Variants in LSR observed in about 807,000 individuals in gnomAD.
LSR encodes lipolysis-stimulated lipoprotein receptor.
In LSR, 44 loss-of-function variants were observed where a neutral mutation model predicts 61.8. The observed-to-expected ratio is 0.71, with a 90% CI of 0.56 to 0.91. The LOEUF (loss-of-function observed/expected upper bound fraction) is 0.91. LSR is among the 40% of genes least tolerant of loss of function. LSR has a pLI of 0.00. For missense variants in LSR, 911 were observed against 830.5 expected (o/e 1.10, Z -1.19); for synonymous variants, 397 against 350.6 (o/e 1.13, Z -1.48).
At chr19:35,251,689 C>T (rs1261915113) in intron 2 of LSR, 1 of 152,182 alleles carries the variant, frequency 6.6e-6, no homozygotes, top group African/African-American at 2.4e-5. Context: ...AAGCCTGTGA[C>T]ATGCCAGGAA....
chr19:35,265,633 T>TAGGG (rs1555752102), intron 5 of LSR, among the ~76,000 whole-genome samples: 3 of 151,892 alleles, frequency 2.0e-5, no homozygotes, highest in Non-Finnish European at 4.4e-5. Flanking sequence ...CCTCTTGCCC[T>TAGGG]AGGGAGGAAG....
chr19:35,265,314 A>G (rs1035244963), intron 5 of LSR, among the ~76,000 whole-genome samples: 1 of 152,066 alleles, frequency 6.6e-6, no homozygotes, highest in African/African-American at 2.4e-5. Flanking sequence ...CCCACACCAC[A>G]TTTCCTCCAT....
intron 3 of LSR, among the ~76,000 whole-genome samples, chr19:35,261,224 C>G (rs1417927823): frequency 6.6e-6 from 1 of 152,152 alleles, no homozygotes; most frequent in Non-Finnish European, 1.5e-5. Context: ...AGATGGAGAC[C>G]TTGTGGGTCC....
At chr19:35,261,710 AAC>A (rs1166103462) in intron 3 of LSR, among the ~76,000 whole-genome samples, 1 of 152,210 alleles carries the variant, frequency 6.6e-6, no homozygotes, top group Admixed American at 6.5e-5. Flanking sequence ...CTCGTGGCAT[AAC>A]ACAGGTGGAT....
chr19:35,254,753 G>A (rs899840797), intron 2 of LSR, among the ~76,000 whole-genome samples: 8 of 152,312 alleles, frequency 5.3e-5, no homozygotes, highest in South Asian at 4.1e-4. Context: ...TGCTCAGCCC[G>A]GATGAGATCA....
At position 35,267,413 on chromosome 19, in the gene LSR, G is replaced by A; in HGVS notation, c.1449G>A (p.Arg483=). The A allele has an allele frequency of 6.2e-7, 1 of 1,609,898 alleles. No individual in the cohort carries two copies. Among genetic ancestry groups the A allele is most frequent in the Non-Finnish European group, 8.5e-7 (1 of 1,179,016 alleles). ...ACATGCCCCCGCGGAGCCGCAGCCG[G>A]GACGACCTCTATGACCAAGACGACT... ...RAYMPPRSRS[R]DDLYDQDDSR... The change falls in exon 9 of 10, where the codon CGG becomes CGA. Residue 483 remains arginine (R), a synonymous_variant. Coordinates refer to ENST00000605618, the MANE Select transcript of LSR (RefSeq NM_205834.4).
Position 35,250,348 on chromosome 19 carries a change from A to G in LSR, c.143A>G (p.Asn48Ser), listed in dbSNP as rs1349945607. The change falls in exon 2 of 10, where the codon AAC becomes AGC. Residue 48 changes from asparagine to serine, a missense_variant. Coordinates refer to ENST00000605618, the MANE Select transcript of LSR (RefSeq NM_205834.4). Reference sequence around the variant, plus strand: ...AGGGCCATCCAGGTGACCGTGTCCAACCCCTACCACGTGGTGATCCTCTTC... The same window carrying G: ...AGGGCCATCCAGGTGACCGTGTCCAGCCCCTACCACGTGGTGATCCTCTTC... ...PARAIQVTVSNPYHVVILFQP... is the reference protein window; with the variant it reads ...PARAIQVTVSSPYHVVILFQP... 12 of 1,574,066 alleles carry G rather than the reference A, an allele frequency of 7.6e-6. No individual in the cohort carries two copies. Among genetic ancestry groups the G allele is most frequent in the Non-Finnish European group, 1.0e-5 (12 of 1,154,048 alleles).
intron 1 of LSR, among the ~76,000 whole-genome samples, chr19:35,250,076 G>A (rs577379576): frequency 5.3e-5 from 8 of 152,226 alleles, no homozygotes; most frequent in Non-Finnish European, 8.8e-5. Flanking sequence ...GAGGGATGGC[G>A]GGCGAGTCCA....
At chr19:35,262,431 A>G (rs2065942158) in intron 4 of LSR, 115 bp from the exon 5 acceptor site, 2 of 1,201,670 alleles carry the variant, frequency 1.7e-6, no homozygotes, top group East Asian at 4.7e-5. Flanking sequence ...TTCCTTGGTG[A>G]GCTTTGCAAA....
Position 35,250,461 on chromosome 19 carries a change from G to A in LSR, c.256G>A (p.Asp86Asn). ...CTGGAAGTACAAGTCTTTCTGCCGG[G>A]ACCGCATCGCCGATGCCTTCTCCCC... ...VIWKYKSFCR[D>N]RIADAFSPAS... Residue 86 changes from aspartate to asparagine, a missense_variant, in exon 2 of 10, where the codon GAC becomes AAC. Coordinates refer to ENST00000605618, the MANE Select transcript of LSR (RefSeq NM_205834.4). 1 of 1,614,022 alleles carries A rather than the reference G, an allele frequency of 6.2e-7. No individual in the cohort carries two copies. Among genetic ancestry groups the A allele is most frequent in the Non-Finnish European group, 8.5e-7 (1 of 1,179,986 alleles).
At chr19:35,249,933 G>A (rs950972974) in intron 1 of LSR, among the ~76,000 whole-genome samples, 3 of 152,050 alleles carry the variant, frequency 2.0e-5, no homozygotes, top group Non-Finnish European at 4.4e-5. Flanking sequence ...GTTTTGAAGT[G>A]GGGCCTTGGG....
At chr19:35,251,624 A>T (rs116480368) in intron 2 of LSR, 1,759 of 152,194 alleles carry the variant, frequency 0.012, 37 homozygotes, top group African/African-American at 0.04. Flanking sequence ...TCCGCAGAGG[A>T]CTCACAGAGG....
intron 3 of LSR, among the ~76,000 whole-genome samples, chr19:35,260,880 G>T (rs544397790): frequency 2.0e-5 from 3 of 152,112 alleles, no homozygotes; most frequent in African/African-American, 4.8e-5. Context: ...AGGCATCAGG[G>T]CGATGATGGC....
chr19:35,262,487 T>G (rs1034501411), intron 4 of LSR, 59 bp from the exon 5 acceptor site: 30 of 1,595,496 alleles, frequency 1.9e-5, no homozygotes, highest in Non-Finnish European at 2.6e-5. Context: ...ACCCCTGCTG[T>G]GCCGTTAGCC....
chr19:35,256,109 C>CTAT (rs1393695683), intron 2 of LSR, among the ~76,000 whole-genome samples: 1 of 152,052 alleles, frequency 6.6e-6, no homozygotes, highest in African/African-American at 2.4e-5. Flanking sequence ...TGGCAGGCGC[C>CTAT]TATAATCCCA....
chr19:35,252,648 C>CAAAAA (rs57052855), intron 2 of LSR, among the ~76,000 whole-genome samples: 2 of 74,770 alleles, frequency 2.7e-5, no homozygotes, highest in African/African-American at 5.2e-5. Flanking sequence ...GACTCTGTCT[C>CAAAAA]AAAAAAAAAA....
In LSR at chr19:35,266,699, G is replaced by A. The variant is rs371568791; in HGVS notation, c.973G>A (p.Val325Ile). 2.5e-6 allele frequency: 4 copies of A among 1,609,172 alleles called. No homozygotes were observed. The highest frequency in any genetic ancestry group is 2.5e-6 in the Non-Finnish European group (3 of 1,178,194). Residue 325 changes from valine to isoleucine, a missense_variant, in exon 7 of 10, where the codon GTA (valine) becomes ATA (isoleucine). Transcript: ENST00000605618. Reference protein sequence around the residue: ...SSSAGGQGSYVPLLRDTDSSV... With the variant: ...SSSAGGQGSYIPLLRDTDSSV... ...CCCAGCTGGTGGCCAAGGCTCCTAT[G>A]TACCCCTGCTTCGGGACACGGACAG...
At chr19:35,264,455 G>A (rs879482796) in intron 5 of LSR, 6 of 152,174 alleles carry the variant, frequency 3.9e-5, no homozygotes, top group African/African-American at 7.2e-5. Context: ...ATCAGCCTTG[G>A]GACACCAGAC....
intron 2 of LSR, chr19:35,251,657 G>A (rs1276187974): frequency 6.6e-6 from 1 of 152,146 alleles, no homozygotes; most frequent in East Asian, 1.9e-4. Flanking sequence ...TGAACTGCAG[G>A]GGCAAGAGAG....
Sources: allele counts gnomAD v4.1 joint callset (sites outside exome capture counted in the v4.1 genomes callset), GRCh38; gene constraint gnomAD v4.1.1; transcripts MANE v1.5; gene names NCBI Gene and HGNC (gene_info 2026-07-23, HGNC 2026-07-21).